Variants in TNFSF8 observed in about 807,000 individuals in gnomAD.
The protein encoded by TNFSF8 is TNF superfamily member 8.
Under a neutral mutation model 22.0 loss-of-function variants are expected in TNFSF8, and 4 were observed. That is an observed-to-expected ratio of 0.18 (90% CI 0.09 to 0.42). The LOEUF is 0.42. TNFSF8 is among the 10% of genes least tolerant of loss of function. The probability of loss-of-function intolerance (pLI) is 1.00; values close to 1 mark genes in which losing one functional copy is unlikely to be tolerated. For missense variants in TNFSF8, 233 were observed against 281.8 expected (o/e 0.83, Z 1.24); for synonymous variants, 106 against 112.5 (o/e 0.94, Z 0.37).
At position 114,902,749 on chromosome 9, in the gene TNFSF8, G is replaced by T. The variant is rs1827732763; in HGVS notation, c.*1182C>A. ...CTGGAATCTCAGTTCCCAGGGTCTG[G>T]TCTTCTGAGATGGAAGAGGTTTTGA... On this transcript the variant is annotated 3_prime_UTR_variant, in exon 4 of 4. Coordinates refer to ENST00000223795, the MANE Select transcript of TNFSF8 (RefSeq NM_001244.4). 1 of 985,296 alleles carries T rather than the reference G, an allele frequency of 1.0e-6. No individual in the cohort carries two copies. Among genetic ancestry groups the T allele is most frequent in the African/African-American group, 1.7e-5 (1 of 57,226 alleles). 61.0% of individuals were successfully genotyped at this position (985,296 alleles called of 1,614,324 possible). A position where few individuals can be genotyped will look rare whatever the true frequency, so the allele number is the denominator to read the frequency against.
intron 2 of TNFSF8, among the ~76,000 whole-genome samples, chr9:114,910,145 T>A (rs965820795): frequency 6.6e-6 from 1 of 152,212 alleles, no homozygotes; most frequent in Admixed American, 6.5e-5. Context: ...TCTAGAAGGA[T>A]CATGGGACTT....
intron 1 of TNFSF8, among the ~76,000 whole-genome samples, chr9:114,922,635 T>C (rs777749864): frequency 2.6e-5 from 4 of 152,166 alleles, no homozygotes; most frequent in African/African-American, 4.8e-5. Flanking sequence ...TCCTGCTACA[T>C]TGCCTCTCTA....
intron 1 of TNFSF8, among the ~76,000 whole-genome samples, chr9:114,921,620 A>G (rs879087007): frequency 6.6e-6 from 1 of 152,220 alleles, no homozygotes; most frequent in Admixed American, 6.5e-5. Flanking sequence ...AGTGTTGTTC[A>G]CCAACTCCTC....
At chr9:114,915,068 T>C (rs1725605058) in intron 2 of TNFSF8, among the ~76,000 whole-genome samples, 2 of 152,138 alleles carry the variant, frequency 1.3e-5, no homozygotes, top group African/African-American at 4.8e-5. Flanking sequence ...CCTTTTCCTT[T>C]CTAGTGACAA....
At chr9:114,922,625 T>C (rs983773556) in intron 1 of TNFSF8, among the ~76,000 whole-genome samples, 1 of 152,222 alleles carries the variant, frequency 6.6e-6, no homozygotes, top group Non-Finnish European at 1.5e-5. Context: ...CTCTTCAATG[T>C]CCTGCTACAT....
chr9:114,918,261 A>C, intron 1 of TNFSF8, 123 bp from the exon 2 acceptor site: 2 of 732,950 alleles, frequency 2.7e-6, no homozygotes, highest in Non-Finnish European at 4.1e-6. Flanking sequence ...CCTCCACCTG[A>C]ATTTTAAAAA....
chr9:114,898,603 T>G (rs952508400), downstream of TNFSF8, among the ~76,000 whole-genome samples: 3 of 152,158 alleles, frequency 2.0e-5, no homozygotes, highest in African/African-American at 7.2e-5. Context: ...AGATTTGGAA[T>G]GTAGGAATAG....
chr9:114,922,644 T>C (rs1828003481), intron 1 of TNFSF8, among the ~76,000 whole-genome samples: 1 of 152,164 alleles, frequency 6.6e-6, no homozygotes, highest in Admixed American at 6.5e-5. Flanking sequence ...ATTGCCTCTC[T>C]AGATGAGGGC....
intron 2 of TNFSF8, among the ~76,000 whole-genome samples, chr9:114,913,397 C>T (rs1169526044): frequency 6.6e-6 from 1 of 152,196 alleles, no homozygotes; most frequent in African/African-American, 2.4e-5. Context: ...CTCTAGAACC[C>T]TCGCCATGGA....
At chr9:114,923,761 A>G (rs181839985) in intron 1 of TNFSF8, among the ~76,000 whole-genome samples, 1 of 151,984 alleles carries the variant, frequency 6.6e-6, no homozygotes, top group Non-Finnish European at 1.5e-5. Context: ...CAAGTGATCC[A>G]CACACCTTTG....
chr9:114,912,583 G>T (rs1047866921), intron 2 of TNFSF8, among the ~76,000 whole-genome samples: 3 of 152,142 alleles, frequency 2.0e-5, no homozygotes, highest in Admixed American at 6.5e-5. Flanking sequence ...TGAAGACAGG[G>T]TTTCACCATG....
intron 2 of TNFSF8, among the ~76,000 whole-genome samples, chr9:114,910,714 C>G (rs993737077): frequency 7.2e-5 from 11 of 152,152 alleles, no homozygotes; most frequent in African/African-American, 2.7e-4. Flanking sequence ...GTCATGGGCA[C>G]ATAAAGATGC....
intron 2 of TNFSF8, among the ~76,000 whole-genome samples, chr9:114,910,361 A>G (rs1267874251): frequency 2.0e-5 from 3 of 152,208 alleles, no homozygotes; most frequent in Non-Finnish European, 4.4e-5. Context: ...ACTAAATGCC[A>G]TGCTAACAGA....
chr9:114,903,873 G>C lies in TNFSF8; in HGVS notation c.*58C>G. ...TTTTCTTTTTGCCCAAGTGTTTGGA[G>C]GGATGAAATACTGTATGGTAGAGAG... On this transcript the variant is annotated 3_prime_UTR_variant, in exon 4 of 4. Transcript: ENST00000223795. 6.5e-7 allele frequency: 1 copy of C among 1,531,868 alleles called. No homozygotes were observed. The highest frequency in any genetic ancestry group is 8.7e-7 in the Non-Finnish European group (1 of 1,144,590). The allele number at this position is 1,531,868 out of a possible 1,614,324, so 94.9% of individuals were successfully genotyped here.
chr9:114,896,942 C>T (rs1250471350), downstream of TNFSF8, among the ~76,000 whole-genome samples: 2 of 152,030 alleles, frequency 1.3e-5, no homozygotes, highest in Admixed American at 6.5e-5. Context: ...ACTCTTGTTG[C>T]CCAGGCTGGA....
intron 1 of TNFSF8, among the ~76,000 whole-genome samples, chr9:114,926,782 A>G (rs1298138203): frequency 1.3e-5 from 2 of 152,018 alleles, no homozygotes; most frequent in African/African-American, 4.8e-5. Context: ...GACACACAAG[A>G]ATCTGTCAAT....
intron 2 of TNFSF8, among the ~76,000 whole-genome samples, chr9:114,906,211 C>T (rs954017411): frequency 6.6e-6 from 1 of 152,126 alleles, no homozygotes; most frequent in African/African-American, 2.4e-5. Flanking sequence ...CGTATTTCAT[C>T]TCCTTAATCT....
downstream of TNFSF8, among the ~76,000 whole-genome samples, chr9:114,896,560 G>A (rs1452655557): frequency 6.6e-6 from 1 of 152,170 alleles, no homozygotes; most frequent in African/African-American, 2.4e-5. Flanking sequence ...ATTGCACAAT[G>A]TATACATGTA....
At chr9:114,917,453 C>T (rs909120374) in intron 2 of TNFSF8, among the ~76,000 whole-genome samples, 1 of 152,146 alleles carries the variant, frequency 6.6e-6, no homozygotes, top group Non-Finnish European at 1.5e-5. Context: ...TTAATCAGGT[C>T]ATCTGAAAAT....
Sources: gnomAD v4.1 joint callset for allele counts (sites outside exome capture counted in the v4.1 genomes callset) on GRCh38, gnomAD v4.1.1 for gene constraint, MANE v1.5 for transcripts, NCBI Gene and HGNC (gene_info 2026-07-23, HGNC 2026-07-21) for gene names.